The following KIF9 variants were observed in gnomAD, a reference collection of about 807,000 sequenced individuals.
The protein encoded by KIF9 is kinesin-like protein KIF9.
Under a neutral mutation model 94.8 loss-of-function variants are expected in KIF9, and 68 were observed. The ratio of observed to expected loss-of-function variants is 0.72; its 90% confidence interval spans 0.59 to 0.88. The LOEUF is 0.88. KIF9 is among the 40% of genes least tolerant of loss of function. KIF9 has a pLI of 0.00. For missense variants in KIF9, 882 were observed against 982.5 expected, an observed-to-expected ratio of 0.90 and a Z score of 1.37; for synonymous variants, 343 against 362.1, an observed-to-expected ratio of 0.95 and a Z score of 0.60.
In KIF9 at chr3:47,247,403, C is replaced by T; in HGVS notation, c.1203G>A (p.Arg401=). ...TCTCGTCCAGTGTCCCCTCCAGGTA[C>T]CTCCGCACCTGGGAGTTGATCTCAG... ...QIAEINSQVR[R]YLEGTLDEID... Residue 401 remains arginine, a synonymous_variant, in exon 12 of 21, where the codon AGG becomes AGA. Coordinates refer to ENST00000684063, the MANE Select transcript of KIF9 (RefSeq NM_182902.4). 2 of 1,613,802 alleles carry T rather than the reference C, an allele frequency of 1.2e-6. No homozygotes were observed. Among genetic ancestry groups the T allele is most frequent in the South Asian group, 2.2e-5 (2 of 91,082 alleles).
Position 47,246,190 on chromosome 3 carries a change from C to A in KIF9, c.1289+7G>T. 6.2e-7 allele frequency: 1 copy of A among 1,612,516 alleles called. No individual in the cohort carries two copies. Among genetic ancestry groups the A allele is most frequent in the Non-Finnish European group, 8.5e-7 (1 of 1,178,906 alleles). On this transcript the variant is annotated splice_region_variant and intron_variant, in intron 13 of 20. Coordinates refer to ENST00000684063, the MANE Select transcript of KIF9 (RefSeq NM_182902.4). The stretch of plus-strand genomic sequence containing the variant: ...GTAGGAATGAGGTAGGGGTGGGGGT[C>A]TCTCACCTCAGAACCACCCGGAACT...
intron 16 of KIF9, 150 bp from the exon 17 acceptor site, chr3:47,241,165 G>A: frequency 1.5e-6 from 1 of 654,026 alleles, no homozygotes; most frequent in Non-Finnish European, 2.7e-6. Context: ...AACTGTGTGT[G>A]AATCATTCCC....
intron 17 of KIF9, chr3:47,239,610 GAC>G (rs1575945753): frequency 9.5e-7 from 1 of 1,049,690 alleles, no homozygotes; most frequent in East Asian, 7.3e-5. Context: ...TTTTTTCCAA[GAC>G]AGTCTTCATC....
Position 47,239,879 on chromosome 3 carries a change from A to G in KIF9, c.1924+922T>C, listed in dbSNP as rs1265567521. The G allele has an allele frequency of 3.7e-6, 5 of 1,367,968 alleles. No individual in the cohort carries two copies. The East Asian group carries it at 2.3e-4, about 62-fold the overall frequency. 84.7% of individuals were successfully genotyped at this position (1,367,968 alleles called of 1,614,324 possible). On this transcript the variant is annotated intron_variant, in intron 17 of 20. Transcript: ENST00000684063. ...CTGGCCTGGAACAGGGTTGTGATTT[A>G]GCGAGGGAAAGCCCAGTAACCTGTG...
intron 1 of KIF9, 121 bp downstream of exon 1, chr3:47,282,374 T>C (rs1056322508): frequency 6.1e-6 from 6 of 985,816 alleles, no homozygotes; most frequent in Non-Finnish European, 7.2e-6. Context: ...GTTTCAGAGA[T>C]GAGCGACCCA....
chr3:47,242,107 T>C (rs1699611296), intron 16 of KIF9, among the ~76,000 whole-genome samples: 1 of 151,756 alleles, frequency 6.6e-6, no homozygotes. Flanking sequence ...CTCCAACTCC[T>C]GGGTTTAAGC....
chr3:47,229,351 G>A (rs1698383563), intron 20 of KIF9, among the ~76,000 whole-genome samples: 1 of 152,176 alleles, frequency 6.6e-6, no homozygotes, highest in Non-Finnish European at 1.5e-5. Context: ...TTTTCAGGGG[G>A]AAAATAATTT....
Position 47,264,346 on chromosome 3 carries a change from TC to T in KIF9, c.920del (p.Gly307GlufsTer8). ...LTHALKDSLGGNCNMVLVTNI... is the reference protein window; with the variant it reads ...LTHALKDSLGXNCNMVLVTNI... ...TTGTCACGAGGACCATATTGCAGTT[TC>T]CCCCTGCGGAAAGCAAGACACAGAA... is the stretch of plus-strand genomic sequence containing the variant. On this transcript the variant is annotated frameshift_variant, in exon 9 of 21. Transcript: ENST00000684063. LOFTEE classifies it high-confidence loss of function. 6.2e-7 allele frequency: 1 copy of T among 1,613,416 alleles called. No individual in the cohort carries two copies. Among genetic ancestry groups the T allele is most frequent in the Non-Finnish European group, 8.5e-7 (1 of 1,179,374 alleles).
chr3:47,267,837 A>T (rs1393359318), intron 5 of KIF9, among the ~76,000 whole-genome samples: 2 of 150,430 alleles, frequency 1.3e-5, no homozygotes, highest in Non-Finnish European at 3.0e-5. Flanking sequence ...TACTATAAAA[A>T]TAATAATTTA....
At chr3:47,256,253 G>T (rs1700580949) in intron 10 of KIF9, among the ~76,000 whole-genome samples, 1 of 151,996 alleles carries the variant, frequency 6.6e-6, no homozygotes, top group Non-Finnish European at 1.5e-5. Context: ...CCTCTGCCTG[G>T]CTGCCCAGTC....
At chr3:47,262,883 A>C (rs1036524872) in intron 9 of KIF9, among the ~76,000 whole-genome samples, 1 of 151,966 alleles carries the variant, frequency 6.6e-6, no homozygotes, top group Non-Finnish European at 1.5e-5. Context: ...AGCTTTCCTA[A>C]TCTGTCTTTT....
intron 15 of KIF9, chr3:47,243,829 C>T (rs969670794): frequency 5.2e-5 from 8 of 152,432 alleles, no homozygotes; most frequent in Middle Eastern, 6.8e-3. Flanking sequence ...ATGGCTCTTC[C>T]CAAAGGTCTG....
chr3:47,253,803 G>A (rs753294570), intron 10 of KIF9, among the ~76,000 whole-genome samples: 15 of 152,074 alleles, frequency 9.9e-5, no homozygotes, highest in Non-Finnish European at 1.9e-4. Context: ...AGGATATTAT[G>A]TTTCTAATTT....
chr3:47,237,096 T>TC (rs375651020), intron 17 of KIF9, among the ~76,000 whole-genome samples: 149 of 152,320 alleles, frequency 9.8e-4, no homozygotes, highest in African/African-American at 3.4e-3. Context: ...CCAGCTACTT[T>TC]CTTTTTTTTT....
chr3:47,244,010 C>T (rs1422285249), intron 15 of KIF9: 1 of 152,284 alleles, frequency 6.6e-6, no homozygotes, highest in Non-Finnish European at 1.5e-5. Flanking sequence ...ACACTGGCAT[C>T]CTCTGCTGCC....
intron 2 of KIF9, among the ~76,000 whole-genome samples, chr3:47,276,555 CAAAAAAAA>C (rs752825599): frequency 1.7e-5 from 1 of 58,700 alleles, no homozygotes; most frequent in Non-Finnish European, 3.5e-5. Flanking sequence ...GACTCTGTCT[CAAAAAAAA>C]AAAAAAAAAA....
At chr3:47,241,550 G>C (rs539478720) in intron 16 of KIF9, among the ~76,000 whole-genome samples, 9 of 150,834 alleles carry the variant, frequency 6.0e-5, no homozygotes, top group African/African-American at 1.9e-4. Flanking sequence ...TCGAACTCCC[G>C]ACCTCAGGTA....
intron 2 of KIF9, among the ~76,000 whole-genome samples, chr3:47,275,913 C>T (rs1701937551): frequency 6.6e-6 from 1 of 152,192 alleles, no homozygotes; most frequent in African/African-American, 2.4e-5. Flanking sequence ...TGGTTGCTGG[C>T]AGTGAGGCCT....
chr3:47,279,742 G>A (rs1045800262), intron 1 of KIF9, among the ~76,000 whole-genome samples: 5 of 151,102 alleles, frequency 3.3e-5, no homozygotes, highest in East Asian at 4.0e-4. Context: ...TCAGCCTCCC[G>A]AGTAGCTGGG....
Sources: allele counts gnomAD v4.1 joint callset (sites outside exome capture counted in the v4.1 genomes callset), GRCh38; gene constraint gnomAD v4.1.1; transcripts MANE v1.5; gene names NCBI Gene and HGNC (gene_info 2026-07-23, HGNC 2026-07-21).